The following CERT1 variants were observed in gnomAD, a reference collection of about 807,000 sequenced individuals.
CERT1 encodes ceramide transfer protein.
In CERT1, 31 loss-of-function variants were observed where a neutral mutation model predicts 87.9. That is an observed-to-expected ratio of 0.35 (90% CI 0.27 to 0.48). CERT1 has a LOEUF of 0.48. Among genes scored for constraint, CERT1 ranks in the 20% least tolerant of loss-of-function variants. CERT1 has a pLI of 0.99. For missense variants in CERT1, 487 were observed against 758.0 expected (o/e 0.64, Z 4.20); for synonymous variants, 289 against 250.9 (o/e 1.15, Z -1.44).
At position 75,399,348 on chromosome 5, in the gene CERT1, C is replaced by G. The variant is rs895888714; in HGVS notation, c.1150G>C (p.Val384Leu). 12 of 1,613,638 alleles carry G rather than the reference C, an allele frequency of 7.4e-6. No individual in the cohort carries two copies. The highest frequency in any genetic ancestry group is 1.0e-5 in the Non-Finnish European group (12 of 1,179,664). The change falls in exon 11 of 17, where the codon GTC becomes CTC. Residue 384 changes from valine (V) to leucine (L), a missense_variant. This residue lies in a region of CERT1 where 91 missense variants were observed against 86.7 expected (regional missense o/e 1.05). Transcript: ENST00000643780. ...RSSSMSSIDL[V>L]SASDDVHRFS... is the part of the protein sequence containing the mutation. The stretch of plus-strand genomic sequence containing the variant: ...CTGTGAACATCATCAGAGGCACTGA[C>G]TAGATCAATGGAAGACATGGAGGAA...
chr5:75,408,675 T>C (rs1286311013), intron 8 of CERT1, among the ~76,000 whole-genome samples: 6 of 152,108 alleles, frequency 3.9e-5, no homozygotes, highest in Non-Finnish European at 8.8e-5. Context: ...CTATTTGGTA[T>C]AATGTTCACT....
chr5:75,430,057 G>T (rs1763804920), intron 3 of CERT1, among the ~76,000 whole-genome samples: 1 of 151,658 alleles, frequency 6.6e-6, no homozygotes, highest in African/African-American at 2.4e-5. Context: ...GACGAGAGGA[G>T]GAAAGGAATC....
intron 3 of CERT1, among the ~76,000 whole-genome samples, chr5:75,435,858 G>A (rs1012425023): frequency 1.3e-5 from 2 of 152,074 alleles, no homozygotes; most frequent in African/African-American, 4.8e-5. Flanking sequence ...AAAGCACTCT[G>A]GTAGGGTGGT....
intron 3 of CERT1, among the ~76,000 whole-genome samples, chr5:75,454,916 G>T (rs1271181248): frequency 1.3e-5 from 2 of 152,172 alleles, no homozygotes; most frequent in African/African-American, 4.8e-5. Context: ...GTGACGAAAA[G>T]TGGATTTTAT....
intron 14 of CERT1, among the ~76,000 whole-genome samples, chr5:75,383,737 T>C (rs1761675043): frequency 6.6e-6 from 1 of 152,208 alleles, no homozygotes; most frequent in African/African-American, 2.4e-5. Context: ...AAGCACTCAC[T>C]GAATTGGAAA....
intron 2 of CERT1, among the ~76,000 whole-genome samples, chr5:75,466,616 T>G (rs1765466324): frequency 6.6e-6 from 1 of 152,182 alleles, no homozygotes. Flanking sequence ...GTTCCGGAAG[T>G]ACTCATTAGC....
chr5:75,402,671 G>A lies in CERT1; in HGVS notation c.1017+301C>T, dbSNP rs182879589. ...AAAATTTAGTCAGGCACGGTGGCGC[G>A]CACCTGTAGTCCCAGCTACTCGGGA... is the stretch of plus-strand genomic sequence containing the variant. On this transcript the variant is annotated intron_variant, in intron 9 of 16. Coordinates refer to ENST00000643780, the MANE Select transcript of CERT1 (RefSeq NM_001379029.1). 6.4e-4 allele frequency: 119 copies of A among 185,968 alleles called. 2 individuals are homozygous for A. The East Asian group carries it at 0.015, about 24-fold the overall frequency. The allele number at this position is 185,968 out of a possible 1,614,324, so 11.5% of individuals were successfully genotyped here. A position where few individuals can be genotyped will look rare whatever the true frequency, so the allele number is the denominator to read the frequency against.
At chr5:75,428,661 GA>G (rs1436406009) in intron 3 of CERT1, among the ~76,000 whole-genome samples, 3 of 148,206 alleles carry the variant, frequency 2.0e-5, no homozygotes, top group East Asian at 2.0e-4. Context: ...ATGGGTGAAA[GA>G]GCGAGACTCT....
In CERT1 at chr5:75,419,354, G is replaced by A. The variant is rs1414397116; in HGVS notation, c.666C>T (p.Gly222=). 4 of 1,608,422 alleles carry A rather than the reference G, an allele frequency of 2.5e-6. No individual in the cohort carries two copies. Among genetic ancestry groups the A allele is most frequent in the African/African-American group, 1.3e-5 (1 of 74,740 alleles). ...TGTATTACTTACACTTTTCTTTATT[G>A]CCGTTGGTACTATGCAAGAAGTCAC... ...SDGDFLHSTN[G]NKEKLFPHVT... The change falls in exon 6 of 17, where the codon GGC becomes GGT. Residue 222 remains glycine (G), a synonymous_variant. Coordinates refer to ENST00000643780, the MANE Select transcript of CERT1 (RefSeq NM_001379029.1).
At chr5:75,389,250 G>GT (rs995281696) in intron 12 of CERT1, among the ~76,000 whole-genome samples, 4 of 152,056 alleles carry the variant, frequency 2.6e-5, no homozygotes, top group Non-Finnish European at 5.9e-5. Flanking sequence ...CATTCAGTAT[G>GT]TTAAAAAAAC....
intron 8 of CERT1, among the ~76,000 whole-genome samples, chr5:75,405,455 T>C (rs372992889): frequency 8.1e-4 from 123 of 152,304 alleles, no homozygotes; most frequent in African/African-American, 2.9e-3. Context: ...ATCTCTCTTC[T>C]AAGGGTCAGA....
chr5:75,471,763 A>AG (rs1276429597), intron 2 of CERT1, among the ~76,000 whole-genome samples: 3 of 151,422 alleles, frequency 2.0e-5, no homozygotes, highest in Non-Finnish European at 4.4e-5. Flanking sequence ...TCAAAAAAAA[A>AG]AAAAAAAAAA....
At chr5:75,374,426 A>T (rs1761207050), downstream of CERT1, 11 of 577,376 alleles carry the variant, frequency 1.9e-5, no homozygotes, top group Non-Finnish European at 3.4e-5. Flanking sequence ...TAGAAAAAAA[A>T]ACGGGAACAG....
intron 2 of CERT1, among the ~76,000 whole-genome samples, chr5:75,496,361 A>G (rs147103559): frequency 2.0e-5 from 3 of 152,226 alleles, no homozygotes; most frequent in South Asian, 2.1e-4. Context: ...GAATTTTCAC[A>G]TAATGCTGGT....
intron 3 of CERT1, among the ~76,000 whole-genome samples, chr5:75,456,001 T>A (rs1764966791): frequency 6.6e-6 from 1 of 152,208 alleles, no homozygotes; most frequent in Admixed American, 6.5e-5. Flanking sequence ...CCTATCATTA[T>A]CATCATTATG....
intron 15 of CERT1, among the ~76,000 whole-genome samples, chr5:75,381,738 G>T (rs1439238362): frequency 6.6e-6 from 1 of 152,036 alleles, no homozygotes; most frequent in African/African-American, 2.4e-5. Flanking sequence ...TAGAAGGAAA[G>T]GTAAACGGCC....
chr5:75,397,682 T>C (rs1561232819), intron 11 of CERT1, among the ~76,000 whole-genome samples: 2 of 152,240 alleles, frequency 1.3e-5, no homozygotes, highest in Non-Finnish European at 2.9e-5. Flanking sequence ...CCCAGTATTA[T>C]GTAGTTTTGT....
At chr5:75,496,794 T>C (rs1245855504) in intron 2 of CERT1, among the ~76,000 whole-genome samples, 1 of 152,064 alleles carries the variant, frequency 6.6e-6, no homozygotes, top group Non-Finnish European at 1.5e-5. Flanking sequence ...ACACAGAGGG[T>C]AACTGACTAC....
intron 2 of CERT1, among the ~76,000 whole-genome samples, chr5:75,498,682 G>A (rs1767193438): frequency 6.6e-6 from 1 of 152,244 alleles, no homozygotes; most frequent in Admixed American, 6.5e-5. Flanking sequence ...GAAACACCTG[G>A]ATGTCCAGGC....
Sources: allele counts gnomAD v4.1 joint callset (sites outside exome capture counted in the v4.1 genomes callset), GRCh38; gene constraint gnomAD v4.1.1; regional missense constraint gnomAD v4.1.1; transcripts MANE v1.5; gene names NCBI Gene and HGNC (gene_info 2026-07-23, HGNC 2026-07-21).